The following SPHKAP variants were observed in gnomAD, a reference collection of about 807,000 sequenced individuals.
The protein encoded by SPHKAP is SPHK1 interactor, AKAP domain containing.
Under a neutral mutation model 137.5 loss-of-function variants are expected in SPHKAP, and 67 were observed. The observed-to-expected ratio is 0.49, with a 90% CI of 0.40 to 0.60. The LOEUF is 0.60. SPHKAP is among the 20% of genes least tolerant of loss of function. The pLI is 0.00. For missense variants in SPHKAP, 2,097 were observed against 2,069.3 expected, an observed-to-expected ratio of 1.01 and a Z score of -0.26; for synonymous variants, 813 against 785.3, an observed-to-expected ratio of 1.04 and a Z score of -0.59.
At chr2:228,051,771 A>G (rs1696263300) in intron 3 of SPHKAP, among the ~76,000 whole-genome samples, 1 of 152,222 alleles carries the variant, frequency 6.6e-6, no homozygotes, top group Non-Finnish European at 1.5e-5. Context: ...AAGGTTGGGA[A>G]GTCCAAAATC....
chr2:228,001,517 GAA>G lies in SPHKAP; in HGVS notation c.4449-5825_4449-5824del, dbSNP rs533194062. Among the ~76,000 whole-genome samples the G allele has an allele frequency of 4.8e-3, 656 of 138,052 alleles. 3 individuals carry two copies. The highest frequency in any genetic ancestry group is 0.017 in the African/African-American group (630 of 37,138). 90.6% of individuals were successfully genotyped at this position (138,052 alleles called of 152,430 possible). A position where few individuals can be genotyped will look rare whatever the true frequency, so the allele number is the denominator to read the frequency against. On this transcript the variant is annotated intron_variant, in intron 7 of 11. Coordinates refer to ENST00000392056, the MANE Select transcript of SPHKAP (RefSeq NM_001142644.2). Reference sequence around the variant, plus strand: ...TATAAGTATATATACGTATATATAAGAATATATATACATATATATAAAAATAT... The same window carrying G: ...TATAAGTATATATACGTATATATAAGTATATATACATATATATAAAAATAT...
At chr2:228,020,995 G>A (rs1694822891) in intron 6 of SPHKAP, among the ~76,000 whole-genome samples, 5 of 152,084 alleles carry the variant, frequency 3.3e-5, no homozygotes, top group African/African-American at 2.4e-5. Context: ...GGATGTTTAC[G>A]GCAACCTCAG....
chr2:228,025,719 G>A (rs949684977), intron 4 of SPHKAP, among the ~76,000 whole-genome samples, 191 bp from the exon 5 acceptor site: 8 of 151,994 alleles, frequency 5.3e-5, no homozygotes, highest in Admixed American at 4.6e-4. Context: ...GAAAATATAA[G>A]CTTCAAAAAC....
At chr2:228,062,781 G>C (rs1431900308) in intron 3 of SPHKAP, among the ~76,000 whole-genome samples, 1 of 152,026 alleles carries the variant, frequency 6.6e-6, no homozygotes, top group Non-Finnish European at 1.5e-5. Flanking sequence ...AACCATACAG[G>C]TATAAAGAAA....
intron 1 of SPHKAP, chr2:228,169,728 T>C (rs1168573244): frequency 6.6e-6 from 1 of 152,106 alleles, no homozygotes; most frequent in Non-Finnish European, 1.5e-5. Context: ...TCTTATGATT[T>C]AAAAAGTACA....
chr2:228,017,394 T>C lies in SPHKAP; in HGVS notation c.3460A>G (p.Lys1154Glu). 6.2e-7 allele frequency: 1 copy of C among 1,614,108 alleles called. No homozygotes were observed. The highest frequency in any genetic ancestry group is 8.5e-7 in the Non-Finnish European group (1 of 1,180,008). The part of the protein sequence containing the change: ...FELLLDYYAG[K>E]NASSILNSAM... ...GAGTTCAGAATGCTGCTGGCGTTCTTGCCAGCATAGTAATCCAGCAGTAAC... is the reference window on the plus strand; with the variant it reads ...GAGTTCAGAATGCTGCTGGCGTTCTCGCCAGCATAGTAATCCAGCAGTAAC... Residue 1154 changes from lysine to glutamate, a missense_variant, in exon 7 of 12, where the codon AAG (lysine) becomes GAG (glutamate). Physicochemically the swap from Lys to Glu is moderately conservative, Grantham distance 56 (BLOSUM62 1). Coordinates refer to ENST00000392056, the MANE Select transcript of SPHKAP (RefSeq NM_001142644.2).
At chr2:228,020,723 AAAAT>A (rs756224609) in intron 6 of SPHKAP, among the ~76,000 whole-genome samples, 6 of 152,212 alleles carry the variant, frequency 3.9e-5, no homozygotes, top group African/African-American at 1.2e-4. Context: ...TAATAAAAAT[AAAAT>A]AAATAAATAA....
intron 7 of SPHKAP, among the ~76,000 whole-genome samples, chr2:228,001,428 TATATAA>T (rs1693875956): frequency 7.2e-6 from 1 of 138,576 alleles, no homozygotes; most frequent in South Asian, 2.2e-4. Context: ...AATATATACA[TATATAA>T]ATATATATAT....
chr2:228,053,327 T>C (rs1696324262), intron 3 of SPHKAP, among the ~76,000 whole-genome samples: 1 of 152,214 alleles, frequency 6.6e-6, no homozygotes, highest in Non-Finnish European at 1.5e-5. Flanking sequence ...TATTTCCAAA[T>C]ACAGTCATGC....
At chr2:228,168,619 A>T (rs1029242426) in intron 1 of SPHKAP, among the ~76,000 whole-genome samples, 2 of 152,126 alleles carry the variant, frequency 1.3e-5, no homozygotes, top group African/African-American at 4.8e-5. Flanking sequence ...ACTGGAAGTT[A>T]CCCCTTCTTT....
At chr2:228,002,755 G>T (rs1693957872) in intron 7 of SPHKAP, among the ~76,000 whole-genome samples, 1 of 152,162 alleles carries the variant, frequency 6.6e-6, no homozygotes, top group South Asian at 2.1e-4. Flanking sequence ...TAAGGTGTAA[G>T]GAAGGGATCC....
At chr2:228,158,099 C>T (rs192689324) in intron 1 of SPHKAP, among the ~76,000 whole-genome samples, 10 of 152,192 alleles carry the variant, frequency 6.6e-5, no homozygotes, top group African/African-American at 2.4e-4. Flanking sequence ...TCATTTCTTC[C>T]ATGACTGTGC....
intron 1 of SPHKAP, 30 bp from the exon 2 acceptor site, chr2:228,132,115 T>C (rs201332962): frequency 9.3e-6 from 14 of 1,509,848 alleles, no homozygotes; most frequent in Non-Finnish European, 1.2e-5. Flanking sequence ...CAAAAACACA[T>C]TCCAGTGAGT....
rs1240799051 is a variant in SPHKAP, at chr2:228,041,658, AAAAAAAAG to A, written c.247-14123_247-14116del. Among the ~76,000 whole-genome samples the A allele has an allele frequency of 3.6e-3, 541 of 151,682 alleles. 7 individuals are homozygous for A. The highest frequency in any genetic ancestry group is 0.012 in the African/African-American group (501 of 41,270). On this transcript the variant is annotated intron_variant, in intron 3 of 11. Coordinates refer to ENST00000392056, the MANE Select transcript of SPHKAP (RefSeq NM_001142644.2). ...TCAGACTCTGTCTCAAAAAAAAAAA[AAAAAAAAG>A]AAAAAAGAAAACAGTTCTACATTCT...
At chr2:228,108,727 C>T (rs1698419052) in intron 3 of SPHKAP, 105 bp downstream of exon 3, 2 of 737,800 alleles carry the variant, frequency 2.7e-6, no homozygotes, top group Admixed American at 2.9e-5. Context: ...AATATTTTCT[C>T]AACTTGGTAT....
chr2:228,064,203 A>C (rs1288365472), intron 3 of SPHKAP, among the ~76,000 whole-genome samples: 1 of 152,146 alleles, frequency 6.6e-6, no homozygotes, highest in Non-Finnish European at 1.5e-5. Context: ...AACACATATT[A>C]AGGCTTGGCA....
At chr2:228,108,005 G>A (rs1186987933) in intron 3 of SPHKAP, among the ~76,000 whole-genome samples, 4 of 152,084 alleles carry the variant, frequency 2.6e-5, no homozygotes, top group African/African-American at 9.7e-5. Context: ...TATATAAAAA[G>A]CCTTGCTATC....
chr2:228,059,693 T>G (rs1260775561), intron 3 of SPHKAP, among the ~76,000 whole-genome samples: 1 of 152,182 alleles, frequency 6.6e-6, no homozygotes, highest in Non-Finnish European at 1.5e-5. Flanking sequence ...TGCTACTATA[T>G]GGAAGTGATG....
At chr2:228,036,253 A>C (rs1695588561) in intron 3 of SPHKAP, among the ~76,000 whole-genome samples, 1 of 152,094 alleles carries the variant, frequency 6.6e-6, no homozygotes, top group African/African-American at 2.4e-5. Context: ...AAAAGAAGAC[A>C]TTTATGCAGC....
Sources: gnomAD v4.1 joint callset for allele counts (sites outside exome capture counted in the v4.1 genomes callset) on GRCh38, gnomAD v4.1.1 for gene constraint, MANE v1.5 for transcripts, NCBI Gene and HGNC (gene_info 2026-07-23, HGNC 2026-07-21) for gene names.